ATP8B4: variants seen among roughly 807,000 people sequenced by gnomAD.
The protein encoded by ATP8B4 is probable phospholipid-transporting ATPase IM.
Under a neutral mutation model 145.6 loss-of-function variants are expected in ATP8B4, and 133 were observed. The observed-to-expected ratio is 0.91, with a 90% CI of 0.79 to 1.05. The LOEUF (loss-of-function observed/expected upper bound fraction) is 1.05. ATP8B4 is among the 50% of genes least tolerant of loss of function. The pLI is 0.00. For synonymous variants in ATP8B4, 507 were observed against 492.9 expected (o/e 1.03, Z -0.38); for missense variants, 1,458 against 1,425.2 (o/e 1.02, Z -0.37).
intron 1 of ATP8B4, among the ~76,000 whole-genome samples, chr15:50,162,737 A>T (rs1018342839): frequency 6.6e-6 from 1 of 151,390 alleles, no homozygotes; most frequent in African/African-American, 2.4e-5. Flanking sequence ...CGATCTCCTG[A>T]CCTCATGATC....
At chr15:50,134,061 A>G (rs978176372) in intron 1 of ATP8B4, among the ~76,000 whole-genome samples, 2 of 152,210 alleles carry the variant, frequency 1.3e-5, no homozygotes, top group Non-Finnish European at 2.9e-5. Flanking sequence ...TTCACAATGT[A>G]TATGTATATC....
chr15:50,031,490 A>G (rs138273758), intron 6 of ATP8B4, among the ~76,000 whole-genome samples: 3 of 152,146 alleles, frequency 2.0e-5, no homozygotes, highest in Non-Finnish European at 4.4e-5. Flanking sequence ...ACAAGATCCC[A>G]CTCTCCCACT....
intron 2 of ATP8B4, among the ~76,000 whole-genome samples, chr15:50,094,810 A>G (rs924763392): frequency 1.3e-5 from 2 of 151,834 alleles, no homozygotes; most frequent in African/African-American, 2.4e-5. Context: ...ATACAGAAAC[A>G]TAACACCTGA....
chr15:50,011,881 AT>A (rs2048744167), intron 6 of ATP8B4, among the ~76,000 whole-genome samples: 1 of 150,210 alleles, frequency 6.7e-6, no homozygotes, highest in Non-Finnish European at 1.5e-5. Flanking sequence ...GGACAGGTTA[AT>A]TTCATTGTAC....
intron 14 of ATP8B4, among the ~76,000 whole-genome samples, chr15:49,958,709 A>C (rs368479988): frequency 6.6e-6 from 1 of 151,928 alleles, no homozygotes; most frequent in Non-Finnish European, 1.5e-5. Flanking sequence ...CTTGCAAATA[A>C]ATGTGAAAAT....
At chr15:50,110,340 G>A (rs2056878527) in intron 1 of ATP8B4, among the ~76,000 whole-genome samples, 1 of 152,192 alleles carries the variant, frequency 6.6e-6, no homozygotes, top group African/African-American at 2.4e-5. Context: ...TCATAGTAAT[G>A]TAGCAGATTC....
intron 16 of ATP8B4, among the ~76,000 whole-genome samples, chr15:49,925,625 T>C (rs1478294889): frequency 1.3e-5 from 2 of 152,118 alleles, no homozygotes; most frequent in African/African-American, 2.4e-5. Context: ...AAAAAGGAGA[T>C]GTTTAAACAA....
intron 16 of ATP8B4, among the ~76,000 whole-genome samples, chr15:49,930,183 A>G (rs188674007): frequency 6.6e-6 from 1 of 152,202 alleles, no homozygotes; most frequent in Admixed American, 6.5e-5. Context: ...AGCTTTGAAA[A>G]GGAAAAAGAG....
chr15:49,948,719 T>C (rs2042799223), intron 14 of ATP8B4, among the ~76,000 whole-genome samples: 1 of 152,198 alleles, frequency 6.6e-6, no homozygotes, highest in South Asian at 2.1e-4. Context: ...GATGGGTAGA[T>C]TGCAAAATTT....
At chr15:49,871,218 A>C (rs530333513) in intron 25 of ATP8B4, among the ~76,000 whole-genome samples, 20 of 152,324 alleles carry the variant, frequency 1.3e-4, no homozygotes, top group Admixed American at 1.0e-3. Flanking sequence ...ATAGGACCAT[A>C]AAGATAATTA....
At chr15:50,106,672 G>A (rs891863621) in intron 2 of ATP8B4, among the ~76,000 whole-genome samples, 3 of 152,128 alleles carry the variant, frequency 2.0e-5, no homozygotes, top group Admixed American at 6.5e-5. Flanking sequence ...AAACTGATCT[G>A]ACAGAAATCA....
chr15:50,074,107 G>C lies in ATP8B4; in HGVS notation c.87+20C>G, dbSNP rs2054023388. On this transcript the variant is annotated intron_variant, in intron 3 of 27. Transcript: ENST00000284509. ...GTAAGACCTATCCTAGTACGTATGT[G>C]TTATGTGTGTTTCACTTACCGCATA... 2.5e-6 allele frequency: 4 copies of C among 1,604,150 alleles called. No individual in the cohort carries two copies. Among genetic ancestry groups the C allele is most frequent in the Non-Finnish European group, 3.4e-6 (4 of 1,171,726 alleles).
rs115545698 is a variant in ATP8B4 at position 49,979,572 on chromosome 15, G to C, written c.1034+45C>G. Reference sequence around the variant, plus strand: ...TAAAACAAATAATATTGGAAACAAAGGTTTTGATGAAATTATTTCATTAAA... The same window carrying C: ...TAAAACAAATAATATTGGAAACAAACGTTTTGATGAAATTATTTCATTAAA... On this transcript the variant is annotated intron_variant, in intron 12 of 27. Coordinates refer to ENST00000284509, the MANE Select transcript of ATP8B4 (RefSeq NM_024837.4). 9.9e-4 allele frequency: 1,339 copies of C among 1,346,940 alleles called. 21 individuals are homozygous for C. In the African/African-American group the frequency reaches 0.018, roughly 18 times the overall value. The allele number at this position is 1,346,940 out of a possible 1,614,324, so 83.4% of individuals were successfully genotyped here.
intron 1 of ATP8B4, among the ~76,000 whole-genome samples, chr15:50,126,310 A>G (rs1361251592): frequency 6.6e-6 from 1 of 151,706 alleles, no homozygotes; most frequent in East Asian, 1.9e-4. Context: ...GAGCAACTCC[A>G]TCTTACATTC....
chr15:49,963,531 G>T (rs933221653), intron 13 of ATP8B4, among the ~76,000 whole-genome samples: 1 of 152,170 alleles, frequency 6.6e-6, no homozygotes. Context: ...GTGATAGACT[G>T]GGTAAAGAAA....
chr15:49,911,709 T>C (rs1307533139), intron 20 of ATP8B4, among the ~76,000 whole-genome samples: 1 of 152,136 alleles, frequency 6.6e-6, no homozygotes, highest in East Asian at 1.9e-4. Context: ...CCACAGGACA[T>C]TTTATCCAAC....
intron 1 of ATP8B4, among the ~76,000 whole-genome samples, chr15:50,127,182 C>G (rs182342960): frequency 1.1e-3 from 164 of 152,336 alleles, no homozygotes; most frequent in Admixed American, 2.1e-3. Flanking sequence ...TGCCTGGAAC[C>G]TCTGCCTCCC....
chr15:49,993,881 A>AT (rs1244603067), intron 9 of ATP8B4, among the ~76,000 whole-genome samples: 1 of 152,102 alleles, frequency 6.6e-6, no homozygotes, highest in Non-Finnish European at 1.5e-5. Context: ...TAAAAAAGAG[A>AT]GGTCTGTGTT....
At chr15:50,147,348 G>A (rs143257083) in intron 1 of ATP8B4, among the ~76,000 whole-genome samples, 13,402 of 150,916 alleles carry the variant, frequency 0.089, 737 homozygotes, top group African/African-American at 0.14. Flanking sequence ...CTGGGGAGGC[G>A]GAGGTTGCAG....
Sources: gnomAD v4.1 joint callset for allele counts (sites outside exome capture counted in the v4.1 genomes callset) on GRCh38, gnomAD v4.1.1 for gene constraint, MANE v1.5 for transcripts, NCBI Gene and HGNC (gene_info 2026-07-23, HGNC 2026-07-21) for gene names.